Variants in NMRK1 observed in about 807,000 individuals in gnomAD.
NMRK1 encodes NRK 1.
Under a neutral mutation model 29.9 loss-of-function variants are expected in NMRK1, and 28 were observed. That is an observed-to-expected ratio of 0.94 (90% CI 0.69 to 1.28). The LOEUF (loss-of-function observed/expected upper bound fraction) is 1.28, where lower values mean the gene tolerates loss of function less well. Ranked by LOEUF, NMRK1 falls within the 50% of genes most tolerant of loss-of-function variation. NMRK1 has a pLI of 0.00. For missense variants in NMRK1, 218 were observed against 233.1 expected, an observed-to-expected ratio of 0.94 and a Z score of 0.42; for synonymous variants, 58 against 73.0, an observed-to-expected ratio of 0.79 and a Z score of 1.05.
chr9:75,066,875 A>T (rs1823385325), intron 7 of NMRK1, 35 bp from the exon 8 acceptor site: 1 of 1,178,394 alleles, frequency 8.5e-7, no homozygotes, highest in Non-Finnish European at 1.2e-6. Context: ...TCAAATGCTA[A>T]CAGGCTTATT....
Position 75,077,594 on chromosome 9 carries a change from A to T in NMRK1, c.30-14T>A, listed in dbSNP as rs773087885. Reference sequence around the variant, plus strand: ...CTGTTTGTCACACTGAAGCAAAGAAAAAAGAAAGTACCAAGAAGGAAAATG... The same window carrying T: ...CTGTTTGTCACACTGAAGCAAAGAATAAAGAAAGTACCAAGAAGGAAAATG... On this transcript the variant is annotated splice_polypyrimidine_tract_variant and intron_variant, in intron 2 of 8. Coordinates refer to ENST00000361092, the MANE Select transcript of NMRK1 (RefSeq NM_017881.3). The T allele has an allele frequency of 6.3e-7, 1 of 1,590,634 alleles. No individual in the cohort carries two copies. Among genetic ancestry groups the T allele is most frequent in the Non-Finnish European group, 8.6e-7 (1 of 1,161,354 alleles).
chr9:75,073,651 A>C (rs946785148), intron 4 of NMRK1, among the ~76,000 whole-genome samples: 2 of 152,084 alleles, frequency 1.3e-5, no homozygotes, highest in African/African-American at 4.8e-5. Flanking sequence ...AGGCATGAGA[A>C]TTGTTTGAAC....
At chr9:75,061,871 T>A (rs1823040962) in intron 8 of NMRK1, among the ~76,000 whole-genome samples, 1 of 152,234 alleles carries the variant, frequency 6.6e-6, no homozygotes, top group African/African-American at 2.4e-5. Flanking sequence ...AGGGTAGTTG[T>A]CTGCAGTATA....
At chr9:75,073,142 G>C (rs991366906) in intron 4 of NMRK1, among the ~76,000 whole-genome samples, 6 of 152,168 alleles carry the variant, frequency 3.9e-5, no homozygotes, top group Admixed American at 1.3e-4. Context: ...CAATATGACT[G>C]GTTACAGAAG....
At chr9:75,083,017 C>G (rs1307128488) in intron 2 of NMRK1, 70 bp downstream of exon 2, 1 of 1,121,498 alleles carries the variant, frequency 8.9e-7, no homozygotes, top group Non-Finnish European at 1.4e-6. Context: ...GTCCCCCACT[C>G]CATCCACACA....
chr9:75,062,140 T>C (rs190201488), intron 8 of NMRK1, among the ~76,000 whole-genome samples: 2 of 152,306 alleles, frequency 1.3e-5, no homozygotes, highest in Admixed American at 1.3e-4. Flanking sequence ...ACTCCAGGGA[T>C]ATAATTCAAA....
intron 1 of NMRK1, among the ~76,000 whole-genome samples, chr9:75,085,729 T>G (rs943391288): frequency 2.5e-5 from 3 of 121,620 alleles, no homozygotes; most frequent in Non-Finnish European, 3.7e-5. Context: ...AATGTAAGTT[T>G]TTTTTTTTTT....
chr9:75,069,517 T>G (rs1823569079), intron 6 of NMRK1: 1 of 524,476 alleles, frequency 1.9e-6, no homozygotes, highest in Non-Finnish European at 3.3e-6. Context: ...TTAGGAGAAA[T>G]GAGCCGAAAG....
chr9:75,082,811 C>T (rs1001794246), intron 2 of NMRK1: 1 of 452,158 alleles, frequency 2.2e-6, no homozygotes, highest in African/African-American at 2.0e-5. Context: ...AAAGCAGTGC[C>T]CAATCAGACC....
chr9:75,073,722 G>A (rs537006929), intron 4 of NMRK1, among the ~76,000 whole-genome samples: 1 of 152,314 alleles, frequency 6.6e-6, no homozygotes, highest in East Asian at 1.9e-4. Flanking sequence ...CTGGGTGACA[G>A]AGTGAGACTC....
intron 1 of NMRK1, among the ~76,000 whole-genome samples, chr9:75,084,058 G>A (rs1417056116): frequency 6.6e-6 from 1 of 152,228 alleles, no homozygotes. Flanking sequence ...TTAGGGGATG[G>A]AGGGCAGTTT....
Position 75,088,131 on chromosome 9 carries a change from TC to T in NMRK1, c.-160del, listed in dbSNP as rs938248239. On this transcript the variant is annotated 5_prime_UTR_variant, in exon 1 of 9. Coordinates refer to ENST00000361092, the MANE Select transcript of NMRK1 (RefSeq NM_017881.3). ...AGGCCCACAGCCCCTTTCCCCACGC[TC>T]CTCCTGGGTTAGAGGGATGCCAGGT... is the stretch of plus-strand genomic sequence containing the variant. 6.6e-6 allele frequency: 1 copy of T among 151,866 alleles called. No homozygotes were observed. Among genetic ancestry groups the T allele is most frequent in the Non-Finnish European group, 1.5e-5 (1 of 68,162 alleles). The allele number at this position is 151,866 out of a possible 1,614,324, so 9.4% of individuals were successfully genotyped here. A position where few individuals can be genotyped will look rare whatever the true frequency, so the allele number is the denominator to read the frequency against.
chr9:75,084,254 G>A (rs771645733), intron 1 of NMRK1, among the ~76,000 whole-genome samples: 47 of 152,184 alleles, frequency 3.1e-4, no homozygotes, highest in Non-Finnish European at 5.1e-4. Context: ...GACCTAGGCC[G>A]TGTAGCCAGG....
In NMRK1 at chr9:75,083,112, T is replaced by C. The variant is rs762230430; in HGVS notation, c.4A>G (p.Lys2Glu). Residue 2 changes from lysine (K) to glutamate (E), a missense_variant, in exon 2 of 9, where the codon AAA becomes GAA. Lys to Glu is a moderately conservative substitution (Grantham distance 56). Transcript: ENST00000361092. The stretch of plus-strand genomic sequence containing the variant: ...CCACTGATTCCAATGATAAATGTTT[T>C]CATAATTAGCTTTGAAAATCACAGC... M[K>E]TFIIGISGVT... 12 of 1,596,754 alleles carry C rather than the reference T, an allele frequency of 7.5e-6. No homozygotes were observed. The highest frequency in any genetic ancestry group is 1.3e-5 in the African/African-American group (1 of 74,596).
intron 2 of NMRK1, chr9:75,078,486 T>G: frequency 7.0e-7 from 1 of 1,428,612 alleles, no homozygotes; most frequent in Non-Finnish European, 9.3e-7. Context: ...TACTCCTCTT[T>G]AGATCTAGTT....
At chr9:75,081,635 ACTTTGTAGTTGC>A (rs1824327640) in intron 2 of NMRK1, among the ~76,000 whole-genome samples, 2 of 152,042 alleles carry the variant, frequency 1.3e-5, no homozygotes. Context: ...CCTGTAGTGG[ACTTTGTAGTTGC>A]CTCTCCAGGT....
At chr9:75,085,380 G>C (rs1015929811) in intron 1 of NMRK1, among the ~76,000 whole-genome samples, 1 of 152,208 alleles carries the variant, frequency 6.6e-6, no homozygotes, top group Non-Finnish European at 1.5e-5. Context: ...ACTCCAAGCT[G>C]CTAAAAAGCA....
intron 4 of NMRK1, 59 bp downstream of exon 4, chr9:75,077,100 T>C (rs1166441976): frequency 5.7e-6 from 6 of 1,057,286 alleles, no homozygotes; most frequent in Non-Finnish European, 7.1e-6. Context: ...TGAAGTTCTT[T>C]GGGTTTGAAA....
chr9:75,076,701 C>T (rs1161550335), intron 4 of NMRK1, among the ~76,000 whole-genome samples: 2 of 152,132 alleles, frequency 1.3e-5, no homozygotes, highest in African/African-American at 4.8e-5. Context: ...GTGATCCTCC[C>T]ACCTTAGCCT....
Sources: allele counts gnomAD v4.1 joint callset (sites outside exome capture counted in the v4.1 genomes callset), GRCh38; gene constraint gnomAD v4.1.1; transcripts MANE v1.5; gene names NCBI Gene and HGNC (gene_info 2026-07-23, HGNC 2026-07-21).